The following PIGN variants were observed in gnomAD, a reference collection of about 807,000 sequenced individuals.
The protein encoded by PIGN is GPI ethanolamine phosphate transferase 1.
Under a neutral mutation model 125.4 loss-of-function variants are expected in PIGN, and 117 were observed. The observed-to-expected ratio is 0.93, with a 90% CI of 0.80 to 1.09. The LOEUF is 1.09. Ranked by LOEUF, PIGN falls within the 50% of genes least tolerant of loss-of-function variation. The probability of loss-of-function intolerance (pLI) is 0.00; values close to 1 mark genes in which losing one functional copy is unlikely to be tolerated. For synonymous variants in PIGN, 392 were observed against 377.8 expected, an observed-to-expected ratio of 1.04 and a Z score of -0.44; for missense variants, 1,075 against 1,094.9, an observed-to-expected ratio of 0.98 and a Z score of 0.26.
intron 23 of PIGN, among the ~76,000 whole-genome samples, chr18:62,018,855 C>T (rs1013329532): frequency 6.6e-5 from 10 of 152,216 alleles, no homozygotes; most frequent in African/African-American, 1.7e-4. Context: ...AGAAAACACA[C>T]GCACACACAT....
chr18:62,049,037 C>A (rs1167469834), intron 30 of PIGN, among the ~76,000 whole-genome samples: 8 of 152,012 alleles, frequency 5.3e-5, no homozygotes, highest in Admixed American at 1.3e-4. Flanking sequence ...TGAACTCATC[C>A]TTTTTTATGG....
At chr18:62,074,930 T>C in intron 28 of PIGN, 109 bp from the exon 29 acceptor site, 1 of 717,874 alleles carries the variant, frequency 1.4e-6, no homozygotes, top group Middle Eastern at 2.5e-4. Context: ...TTGGTATTTT[T>C]GCTTCTGAAA....
intron 23 of PIGN, among the ~76,000 whole-genome samples, chr18:62,027,099 A>G (rs1341212001): frequency 6.6e-6 from 1 of 152,146 alleles, no homozygotes; most frequent in African/African-American, 2.4e-5. Context: ...GCTACTCAGG[A>G]GGCAGAGGCA....
downstream of PIGN, among the ~76,000 whole-genome samples, chr18:62,037,442 G>C (rs1298016241): frequency 6.6e-6 from 1 of 152,256 alleles, no homozygotes; most frequent in African/African-American, 2.4e-5. Flanking sequence ...GGCATGGGTG[G>C]AACAGCCCAG....
intron 1 of PIGN, among the ~76,000 whole-genome samples, chr18:62,171,756 T>C (rs1385256923): frequency 6.6e-6 from 1 of 152,210 alleles, no homozygotes; most frequent in Non-Finnish European, 1.5e-5. Flanking sequence ...TTTGGCCTGT[T>C]AATGTGGTGA....
At chr18:62,090,635 T>G (rs2033914390) in intron 23 of PIGN, 57 bp from the exon 24 acceptor site, 4 of 984,602 alleles carry the variant, frequency 4.1e-6, no homozygotes, top group Admixed American at 4.3e-5. Flanking sequence ...TAAGTAAAAA[T>G]GCAAATTTAC....
At chr18:62,133,378 T>TA (rs2035810321) in intron 14 of PIGN, among the ~76,000 whole-genome samples, 1 of 152,202 alleles carries the variant, frequency 6.6e-6, no homozygotes, top group Admixed American at 6.5e-5. Flanking sequence ...CTACATTTTT[T>TA]AGAGTTATAA....
At chr18:62,168,235 T>C (rs1408044136) in intron 1 of PIGN, among the ~76,000 whole-genome samples, 1 of 152,100 alleles carries the variant, frequency 6.6e-6, no homozygotes, top group Non-Finnish European at 1.5e-5. Flanking sequence ...TTCTTTCTGG[T>C]TATTATATTT....
chr18:62,184,294 T>C (rs1447653382), intron 1 of PIGN, among the ~76,000 whole-genome samples: 1 of 152,354 alleles, frequency 6.6e-6, no homozygotes, highest in Non-Finnish European at 1.5e-5. Flanking sequence ...TACATCTTCA[T>C]TGCTAAGGCA....
intron 30 of PIGN, among the ~76,000 whole-genome samples, chr18:62,070,826 T>C (rs984113482): frequency 3.3e-5 from 5 of 152,116 alleles, no homozygotes; most frequent in Non-Finnish European, 5.9e-5. Flanking sequence ...TTTTTTGATA[T>C]GGGATATCAC....
At chr18:62,176,404 G>A (rs1447533511) in intron 1 of PIGN, among the ~76,000 whole-genome samples, 4 of 152,012 alleles carry the variant, frequency 2.6e-5, no homozygotes, top group Non-Finnish European at 5.9e-5. Context: ...CAGGGAAACA[G>A]GATATTTGCA....
chr18:62,178,275 T>G (rs920772979), intron 1 of PIGN, among the ~76,000 whole-genome samples: 1 of 151,860 alleles, frequency 6.6e-6, no homozygotes, highest in African/African-American at 2.4e-5. Flanking sequence ...CATTATGCAG[T>G]CTCCTGGTTG....
intron 30 of PIGN, among the ~76,000 whole-genome samples, chr18:62,059,858 A>G (rs2032009074): frequency 6.6e-6 from 1 of 152,228 alleles, no homozygotes; most frequent in African/African-American, 2.4e-5. Context: ...AAAAACAAAG[A>G]AAGAAAAGAT....
At chr18:62,094,659 G>C (rs2034102677) in intron 23 of PIGN, among the ~76,000 whole-genome samples, 1 of 152,118 alleles carries the variant, frequency 6.6e-6, no homozygotes, top group African/African-American at 2.4e-5. Context: ...TTGAATAACA[G>C]ATGCTCATAA....
chr18:62,137,353 AC>A (rs1942066245), intron 14 of PIGN: 1 of 384,258 alleles, frequency 2.6e-6, no homozygotes, highest in Admixed American at 4.5e-5. Context: ...TGGCTTCTTT[AC>A]TCCTCATATT....
rs139086679 is a variant in PIGN at position 62,169,605 on chromosome 18, T to C, written c.-235-5949A>G. Among the ~76,000 whole-genome samples, 613 of 152,040 alleles carry C rather than the reference T, an allele frequency of 4.0e-3. 2 individuals are homozygous for C. Among genetic ancestry groups the C allele is most frequent in the African/African-American group, 0.014 (581 of 41,492 alleles). On this transcript the variant is annotated intron_variant, in intron 1 of 30. Coordinates refer to ENST00000640252, the MANE Select transcript of PIGN (RefSeq NM_176787.5). Reference sequence around the variant, plus strand: ...TTGGGAATAAAATGGCTAGGTCAAATTGTAAATATATGTTTAACTTTTTTT... The same window carrying C: ...TTGGGAATAAAATGGCTAGGTCAAACTGTAAATATATGTTTAACTTTTTTT...
At chr18:62,084,191 T>C (rs1175233995) in intron 27 of PIGN, among the ~76,000 whole-genome samples, 1 of 152,172 alleles carries the variant, frequency 6.6e-6, no homozygotes, top group Non-Finnish European at 1.5e-5. Flanking sequence ...AAAGATTATG[T>C]TGGCAATCTC....
At chr18:62,055,902 T>C (rs527582654) in intron 30 of PIGN, among the ~76,000 whole-genome samples, 7 of 151,582 alleles carry the variant, frequency 4.6e-5, no homozygotes, top group Admixed American at 3.3e-4. Flanking sequence ...TGCAAGGTCT[T>C]ATAGGCACTT....
At chr18:62,157,449 T>C (rs981441549) in intron 5 of PIGN, among the ~76,000 whole-genome samples, 2 of 152,188 alleles carry the variant, frequency 1.3e-5, no homozygotes, top group East Asian at 3.8e-4. Context: ...AAGAGTAATA[T>C]CTAGGAAAAT....
Sources: gnomAD v4.1 joint callset for allele counts (sites outside exome capture counted in the v4.1 genomes callset) on GRCh38, gnomAD v4.1.1 for gene constraint, MANE v1.5 for transcripts, NCBI Gene and HGNC (gene_info 2026-07-23, HGNC 2026-07-21) for gene names.